NDC80: variants seen among roughly 807,000 people sequenced by gnomAD.
NDC80 encodes the protein NDC80 kinetochore complex component, also known as kinetochore protein NDC80 homolog.
Under a neutral mutation model 89.3 loss-of-function variants are expected in NDC80, and 69 were observed. That is an observed-to-expected ratio of 0.77 (90% confidence interval 0.64 to 0.94). The LOEUF is 0.94. Ranked by LOEUF, NDC80 falls within the 40% of genes least tolerant of loss-of-function variation. The pLI is 0.00. For missense variants in NDC80, 593 were observed against 739.6 expected, an observed-to-expected ratio of 0.80 and a Z score of 2.30; for synonymous variants, 243 against 255.6, an observed-to-expected ratio of 0.95 and a Z score of 0.47.
At chr18:2,614,747 G>A (rs891213904) in intron 16 of NDC80, among the ~76,000 whole-genome samples, 1 of 152,166 alleles carries the variant, frequency 6.6e-6, no homozygotes, top group African/African-American at 2.4e-5. Context: ...GCTGTACTAG[G>A]TTGAATAGTG....
chr18:2,587,449 T>G (rs2072607958), intron 7 of NDC80, among the ~76,000 whole-genome samples: 1 of 152,234 alleles, frequency 6.6e-6, no homozygotes, highest in South Asian at 2.1e-4. Context: ...GATCAGCAGT[T>G]TATTTAAATT....
At chr18:2,611,001 C>A in intron 16 of NDC80, 140 bp downstream of exon 16, 3 of 405,718 alleles carry the variant, frequency 7.4e-6, no homozygotes, top group Non-Finnish European at 1.2e-5. Flanking sequence ...TCAGAAGAAT[C>A]TTGTCTAGTG....
intron 6 of NDC80, among the ~76,000 whole-genome samples, chr18:2,583,565 C>T (rs2072589123): frequency 6.6e-6 from 1 of 151,786 alleles, no homozygotes; most frequent in African/African-American, 2.4e-5. Flanking sequence ...GGCATAGTGA[C>T]AGGTACCTGT....
intron 1 of NDC80, 41 bp from the exon 2 acceptor site, chr18:2,572,932 CTCTG>C (rs1274934212): frequency 9.6e-6 from 14 of 1,463,682 alleles, no homozygotes; most frequent in Admixed American, 5.5e-5. Context: ...AATGTACCAT[CTCTG>C]TCTGGAAAGT....
intron 6 of NDC80, among the ~76,000 whole-genome samples, chr18:2,581,110 C>T (rs1218356667): frequency 6.6e-6 from 1 of 152,012 alleles, no homozygotes; most frequent in East Asian, 1.9e-4. Flanking sequence ...TGTATTAATC[C>T]GTGAGAGACT....
chr18:2,615,735 C>T (rs117284808), intron 16 of NDC80, among the ~76,000 whole-genome samples: 2,203 of 152,272 alleles, frequency 0.014, 17 homozygotes, highest in South Asian at 0.026. Context: ...TTCTAGAATA[C>T]TATGCAGTAC....
chr18:2,614,659 A>G (rs1363739203), intron 16 of NDC80, among the ~76,000 whole-genome samples: 1 of 145,982 alleles, frequency 6.9e-6, no homozygotes, highest in Non-Finnish European at 1.5e-5. Flanking sequence ...GAAAGAAATA[A>G]ATTTGGCAAT....
At chr18:2,597,170 TATA>T (rs2072661365) in intron 11 of NDC80, among the ~76,000 whole-genome samples, 1 of 151,512 alleles carries the variant, frequency 6.6e-6, no homozygotes, top group Non-Finnish European at 1.5e-5. Context: ...AAACTTAAAG[TATA>T]ATAATAATAA....
intron 3 of NDC80, among the ~76,000 whole-genome samples, chr18:2,577,018 A>C (rs1229931540): frequency 6.6e-6 from 1 of 152,166 alleles, no homozygotes; most frequent in Non-Finnish European, 1.5e-5. Flanking sequence ...TATTTATTTC[A>C]GTTGATGAAA....
At chr18:2,582,008 T>C (rs575404340) in intron 6 of NDC80, 2 of 152,230 alleles carry the variant, frequency 1.3e-5, no homozygotes, top group Non-Finnish European at 2.9e-5. Context: ...ATCTTTTTTG[T>C]TCCTTCATTA....
At position 2,589,999 on chromosome 18, in the gene NDC80, A is replaced by G. The variant is rs767815895; in HGVS notation, c.871-19A>G. ...ATGGTTATTAAGAATAACTAAAGTT[A>G]TATTCTTTTCTCTTAAAGAATCGTC... On this transcript the variant is annotated intron_variant, in intron 9 of 16. Transcript: ENST00000261597. 2.0e-6 allele frequency: 3 copies of G among 1,499,944 alleles called. No homozygotes were observed. Among genetic ancestry groups the G allele is most frequent in the South Asian group, 2.7e-5 (2 of 74,448 alleles). 92.9% of individuals were successfully genotyped at this position (1,499,944 alleles called of 1,614,324 possible).
At chr18:2,610,886 C>T (rs748037358) in intron 16 of NDC80, 25 bp downstream of exon 16, 20 of 1,357,020 alleles carry the variant, frequency 1.5e-5, no homozygotes, top group Middle Eastern at 1.9e-4. Context: ...GTCTTTCCTA[C>T]GTTCTAAGAA....
intron 13 of NDC80, among the ~76,000 whole-genome samples, chr18:2,603,458 A>G (rs953643824): frequency 6.6e-6 from 1 of 150,792 alleles, no homozygotes; most frequent in Non-Finnish European, 1.5e-5. Context: ...ACAGAGACTA[A>G]CAACTAAAAT....
intron 1 of NDC80, among the ~76,000 whole-genome samples, chr18:2,571,929 G>A (rs1180769942): frequency 6.6e-6 from 1 of 152,136 alleles, no homozygotes; most frequent in East Asian, 1.9e-4. Flanking sequence ...AGGAGTGGAG[G>A]CTCGGGAGAG....
At chr18:2,577,162 C>A (rs533824928) in intron 3 of NDC80, 1 of 150,774 alleles carries the variant, frequency 6.6e-6, no homozygotes, top group South Asian at 2.1e-4. Flanking sequence ...TATATTAAAT[C>A]TTTCAATCAA....
intron 9 of NDC80, 122 bp downstream of exon 9, chr18:2,589,432 T>G (rs938235908): frequency 2.9e-6 from 2 of 678,988 alleles, no homozygotes; most frequent in East Asian, 5.4e-5. Context: ...TCTTAAAAGT[T>G]AAATTTTCAC....
At chr18:2,599,287 C>T in intron 12 of NDC80, 116 bp downstream of exon 12, 1 of 740,798 alleles carries the variant, frequency 1.3e-6, no homozygotes, top group Non-Finnish European at 2.0e-6. Flanking sequence ...AACACTGAAA[C>T]TGTATCTTCT....
At chr18:2,613,539 T>C (rs1322668703) in intron 16 of NDC80, among the ~76,000 whole-genome samples, 1 of 152,330 alleles carries the variant, frequency 6.6e-6, no homozygotes, top group Non-Finnish European at 1.5e-5. Flanking sequence ...TAAAATGAAT[T>C]GTTCAATTAA....
At chr18:2,616,141 C>G (rs1019729361) in intron 16 of NDC80, among the ~76,000 whole-genome samples, 6 of 152,150 alleles carry the variant, frequency 3.9e-5, no homozygotes, top group African/African-American at 1.4e-4. Flanking sequence ...TCTCCTGCCT[C>G]AGCCTCTTGC....
Sources: gnomAD v4.1 joint callset for allele counts (sites outside exome capture counted in the v4.1 genomes callset) on GRCh38, gnomAD v4.1.1 for gene constraint, MANE v1.5 for transcripts, NCBI Gene and HGNC (gene_info 2026-07-23, HGNC 2026-07-21) for gene names.